Variants in ATP2A3 observed in about 807,000 individuals in gnomAD.
ATP2A3 encodes the protein ATPase sarcoplasmic/endoplasmic reticulum Ca2+ transporting 3.
ATP2A3 carries 61 observed loss-of-function variants against 106.8 expected under a neutral mutation model. That is an observed-to-expected ratio of 0.57 (90% CI 0.46 to 0.71). ATP2A3 has a LOEUF of 0.71. Ranked by LOEUF, ATP2A3 falls within the 30% of genes least tolerant of loss-of-function variation. The pLI is 0.00. For synonymous variants in ATP2A3, 611 were observed against 609.3 expected (o/e 1.00, Z -0.04); for missense variants, 1,201 against 1,423.5 (o/e 0.84, Z 2.52).
rs1204497829 is a variant in ATP2A3, at chr17:3,924,333, A to G, written c.*1089T>C. On this transcript the variant is annotated 3_prime_UTR_variant, in exon 21 of 21. Coordinates refer to ENST00000397041, the MANE Select transcript of ATP2A3 (RefSeq NM_005173.4). This position sits in a 1 kb window ranked among gnomAD's most constrained non-coding sequence, Gnocchi z 6.4. ...TCAGAGGCCATCTTCCTCTCATCTG[A>G]TATGACGTGTTCCTCCAGCAGGGAG... is the stretch of plus-strand genomic sequence containing the variant. The G allele has an allele frequency of 5.9e-6, 1 of 168,600 alleles. No homozygotes were observed. Among genetic ancestry groups the G allele is most frequent in the African/African-American group, 2.4e-5 (1 of 41,680 alleles). 10.4% of individuals were successfully genotyped at this position (168,600 alleles called of 1,614,324 possible).
rs776213815 is a variant in ATP2A3, at chr17:3,928,638, A to C, written c.2980+25T>G. 16 of 1,530,890 alleles carry C rather than the reference A, an allele frequency of 1.0e-5. No homozygotes were observed. The highest frequency in any genetic ancestry group is 1.3e-5 in the Non-Finnish European group (15 of 1,129,558). The allele number at this position is 1,530,890 out of a possible 1,614,324, so 94.8% of individuals were successfully genotyped here. A position where few individuals can be genotyped will look rare whatever the true frequency, so the allele number is the denominator to read the frequency against. ...AGAGGCGGGCGGGGAGGCAGGCTGG[A>C]GGCGGGACGGGGCCTCCCACTCACC... On this transcript the variant is annotated intron_variant, in intron 20 of 20. Transcript: ENST00000397041. This position sits in a 1 kb window ranked among gnomAD's most constrained non-coding sequence, Gnocchi z 6.1.
Position 3,953,335 on chromosome 17 carries a change from G to A in ATP2A3, c.219+12C>T, listed in dbSNP as rs761623682. 7 of 1,613,260 alleles carry A rather than the reference G, an allele frequency of 4.3e-6. No homozygotes were observed. In the South Asian group the frequency reaches 5.5e-5, roughly 13 times the overall value. ...CCGACTACCACAGGATGGCTGGCAG[G>A]GCCCTACTTACAAAGGAGACAAGGG... On this transcript the variant is annotated intron_variant, in intron 3 of 20. Coordinates refer to ENST00000397041, the MANE Select transcript of ATP2A3 (RefSeq NM_005173.4). The surrounding 1 kb of genome is among the most constrained non-coding windows in gnomAD (Gnocchi z 5.1).
At chr17:3,944,888 G>A in intron 9 of ATP2A3, 82 bp from the exon 10 acceptor site, 1 of 879,264 alleles carries the variant, frequency 1.1e-6, no homozygotes, top group South Asian at 1.6e-5. Flanking sequence ...CCCTAGGAGG[G>A]GGCTCCGCCT....
intron 17 of ATP2A3, among the ~76,000 whole-genome samples, chr17:3,932,788 G>A (rs1333175879): frequency 6.6e-6 from 1 of 151,592 alleles, no homozygotes; most frequent in Non-Finnish European, 1.5e-5. Flanking sequence ...CTTTGAACCT[G>A]ACTCTACCCA....
In ATP2A3 at chr17:3,950,680, G is replaced by T. The variant is rs201357601; in HGVS notation, c.544+13C>A. ...TGGCCCACTAGGTCCCGGCCTCCTG[G>T]GGGGGGCCTCACCCGTCAGGATGGA... On this transcript the variant is annotated intron_variant, in intron 6 of 20. Transcript: ENST00000397041. The T allele has an allele frequency of 1.4e-4, 225 of 1,613,790 alleles. 1 individual carries two copies. In the South Asian group the frequency reaches 1.6e-3, roughly 11 times the overall value.
chr17:3,951,546 G>GGGCCCCCC, intron 4 of ATP2A3, 35 bp downstream of exon 4: 7 of 1,319,564 alleles, frequency 5.3e-6, no homozygotes, highest in Admixed American at 2.0e-5. Context: ...CTGGGAGACC[G>GGGCCCCCC]CCCCCCGCCC....
At chr17:3,935,404 T>G in intron 16 of ATP2A3, 127 bp from the exon 17 acceptor site, 1 of 851,408 alleles carries the variant, frequency 1.2e-6, no homozygotes. Flanking sequence ...CCCTGTGGTT[T>G]GCAGGCACCT....
At chr17:3,942,556 C>A in intron 12 of ATP2A3, 50 bp downstream of exon 12, 1 of 1,596,060 alleles carries the variant, frequency 6.3e-7, no homozygotes, top group Non-Finnish European at 8.5e-7. Flanking sequence ...CGTGGATGAC[C>A]AGGTTCCCCA....
chr17:3,958,686 C>T (rs1287055767), intron 1 of ATP2A3, among the ~76,000 whole-genome samples: 3 of 149,144 alleles, frequency 2.0e-5, no homozygotes, highest in Non-Finnish European at 3.0e-5. Context: ...TTTGCAAAAC[C>T]TTCTCCTCCT....
chr17:3,943,650 C>A (rs1055274304), intron 10 of ATP2A3, 128 bp from the exon 11 acceptor site: 30 of 1,472,238 alleles, frequency 2.0e-5, no homozygotes, highest in Admixed American at 1.1e-4. Flanking sequence ...TGCACCGGCC[C>A]GTGAGCCCTT....
Position 3,928,494 on chromosome 17 carries a change from G to T in ATP2A3, c.2980+169C>A. 1 of 951,496 alleles carries T rather than the reference G, an allele frequency of 1.1e-6. No homozygotes were observed. Among genetic ancestry groups the T allele is most frequent in the Non-Finnish European group, 1.6e-6 (1 of 614,332 alleles). 58.9% of individuals were successfully genotyped at this position (951,496 alleles called of 1,614,324 possible). A position where few individuals can be genotyped will look rare whatever the true frequency, so the allele number is the denominator to read the frequency against. On this transcript the variant is annotated intron_variant, in intron 20 of 20. Coordinates refer to ENST00000397041, the MANE Select transcript of ATP2A3 (RefSeq NM_005173.4). This position sits in a 1 kb window ranked among gnomAD's most constrained non-coding sequence, Gnocchi z 6.1. ...AGTGCAAGACCCTGCGGACACCTTG[G>T]GACCCAGCCACCAGAGCCCCTTCAC...
chr17:3,934,349 A>G (rs7220897), intron 17 of ATP2A3, among the ~76,000 whole-genome samples: 32,626 of 151,676 alleles, frequency 0.22, 4,900 homozygotes, highest in African/African-American at 0.43. Flanking sequence ...TCAGCCTCCC[A>G]AGAAGCTACA....
chr17:3,950,462 T>C (rs1567712502), intron 7 of ATP2A3, 49 bp downstream of exon 7: 1 of 1,580,866 alleles, frequency 6.3e-7, no homozygotes, highest in Non-Finnish European at 8.7e-7. Flanking sequence ...AATCCTAATG[T>C]TGTTATTTTT....
chr17:3,949,248 T>G lies in ATP2A3; in HGVS notation c.630+1263A>C, dbSNP rs576408271. Among the ~76,000 whole-genome samples the G allele has an allele frequency of 1.1e-3, 169 of 152,160 alleles. 2 individuals carry two copies. Among genetic ancestry groups the G allele is most frequent in the Non-Finnish European group, 3.7e-4 (25 of 68,004 alleles). On this transcript the variant is annotated intron_variant, in intron 7 of 20. Coordinates refer to ENST00000397041, the MANE Select transcript of ATP2A3 (RefSeq NM_005173.4). ...TTGGTGGCCTGGGCCATTGTCTGAC[T>G]GGCCTGACCCTTCCTTGTGCCCCTA... is the stretch of plus-strand genomic sequence containing the variant.
intron 1 of ATP2A3, among the ~76,000 whole-genome samples, chr17:3,960,236 G>T (rs2055062118): frequency 6.6e-6 from 1 of 152,228 alleles, no homozygotes; most frequent in Non-Finnish European, 1.5e-5. Flanking sequence ...GTTCCTCTTG[G>T]CCTGGTTTCC....
rs1368100588 is a variant in ATP2A3, at chr17:3,944,810, C to T, written c.1185-4G>A. The T allele has an allele frequency of 6.2e-7, 1 of 1,607,024 alleles. No individual in the cohort carries two copies. Among genetic ancestry groups the T allele is most frequent in the Admixed American group, 1.7e-5 (1 of 59,390 alleles). On this transcript the variant is annotated splice_region_variant and splice_polypyrimidine_tract_variant and intron_variant, in intron 9 of 20. Transcript: ENST00000397041. ...CACAGGCTGATCCCCCTGCCGCCTG[C>T]GGAGCCGGGGCGGTCACCAGGAGGA...
In ATP2A3 at chr17:3,924,912, C is replaced by T. The variant is rs1306957793; in HGVS notation, c.*510G>A. 4.9e-5 allele frequency: 22 copies of T among 452,716 alleles called. No individual in the cohort carries two copies. The highest frequency in any genetic ancestry group is 3.0e-4 in the South Asian group (19 of 63,792). 28.0% of individuals were successfully genotyped at this position (452,716 alleles called of 1,614,324 possible). On this transcript the variant is annotated 3_prime_UTR_variant, in exon 21 of 21. Coordinates refer to ENST00000397041, the MANE Select transcript of ATP2A3 (RefSeq NM_005173.4). The surrounding 1 kb of genome is among the most constrained non-coding windows in gnomAD (Gnocchi z 6.4). The stretch of plus-strand genomic sequence containing the variant: ...GCTGTACACAGCTGGGCCCAGATGG[C>T]CCCTTCTGATCCCCCAGGGCTGACC...
chr17:3,950,689 TCACCCGTCAGGATGGACTGGTC>T lies in ATP2A3; in HGVS notation c.526_544+3del. ...AGGTCCCGGCCTCCTGGGGGGGGCC[TCACCCGTCAGGATGGACTGGTC>T]CACTCGCAGCGTGGTGGACTTGATC... On this transcript the variant is annotated splice_donor_variant and splice_donor_region_variant and coding_sequence_variant and intron_variant, in exon 6 of 21. Transcript: ENST00000397041. LOFTEE classifies it high-confidence loss of function. The T allele has an allele frequency of 6.2e-7, 1 of 1,613,862 alleles. No individual in the cohort carries two copies. The highest frequency in any genetic ancestry group is 1.7e-5 in the Admixed American group (1 of 60,006).
chr17:3,959,550 C>T lies in ATP2A3; in HGVS notation c.118+4624G>A, dbSNP rs907648974. Among the ~76,000 whole-genome samples the T allele has an allele frequency of 5.9e-5, 9 of 152,376 alleles. 1 individual carries two copies. The highest frequency in any genetic ancestry group is 6.8e-3 in the Middle Eastern group (2 of 294). ...CAGGCTCCACACCACCTGCTCCCCTCATCCCCCCTCTACTCCTTCCTTCAT... is the reference window on the plus strand; with the variant it reads ...CAGGCTCCACACCACCTGCTCCCCTTATCCCCCCTCTACTCCTTCCTTCAT... On this transcript the variant is annotated intron_variant, in intron 1 of 20. Coordinates refer to ENST00000397041, the MANE Select transcript of ATP2A3 (RefSeq NM_005173.4).
Sources: gnomAD v4.1 joint callset for allele counts (sites outside exome capture counted in the v4.1 genomes callset) on GRCh38, gnomAD v4.1.1 for gene constraint, Gnocchi (gnomAD v3.1) non-coding constraint, MANE v1.5 for transcripts, NCBI Gene and HGNC (gene_info 2026-07-23, HGNC 2026-07-21) for gene names.